The following ARHGAP19 variants were observed in gnomAD, a reference collection of about 807,000 sequenced individuals.
The protein encoded by ARHGAP19 is rho GTPase-activating protein 19.
ARHGAP19 carries 48 observed loss-of-function variants against 60.9 expected under a neutral mutation model. The ratio of observed to expected loss-of-function variants is 0.79; its 90% CI spans 0.62 to 1.00. The LOEUF (loss-of-function observed/expected upper bound fraction) is 1.00, where lower values mean the gene tolerates loss of function less well. Among genes scored for constraint, ARHGAP19 ranks in the 50% least tolerant of loss-of-function variants. ARHGAP19 has a pLI of 0.00. For synonymous variants in ARHGAP19, 209 were observed against 215.5 expected, an observed-to-expected ratio of 0.97 and a Z score of 0.27; for missense variants, 562 against 597.2, an observed-to-expected ratio of 0.94 and a Z score of 0.61.
At chr10:97,257,432 C>T (rs1842770820) in intron 5 of ARHGAP19, among the ~76,000 whole-genome samples, 1 of 151,926 alleles carries the variant, frequency 6.6e-6, no homozygotes, top group Non-Finnish European at 1.5e-5. Flanking sequence ...GGAGTATAGG[C>T]ATGTGCCACC....
chr10:97,283,728 C>T (rs2134923819), intron 1 of ARHGAP19, among the ~76,000 whole-genome samples: 1 of 151,304 alleles, frequency 6.6e-6, no homozygotes, highest in Non-Finnish European at 1.5e-5. Flanking sequence ...GACATGGTGG[C>T]TCACACCTGT....
At chr10:97,256,254 T>C in intron 6 of ARHGAP19, 64 bp downstream of exon 6, 1 of 1,296,444 alleles carries the variant, frequency 7.7e-7, no homozygotes, top group Non-Finnish European at 1.1e-6. Context: ...ATAGCCCCAC[T>C]TAGGATCCCA....
chr10:97,272,740 T>G (rs1174476406), intron 1 of ARHGAP19, among the ~76,000 whole-genome samples: 1 of 152,208 alleles, frequency 6.6e-6, no homozygotes, highest in Non-Finnish European at 1.5e-5. Context: ...AGTAATGTCC[T>G]CCTCTTTGTT....
At chr10:97,239,548 GAGGGTGTGT>G (rs1842439018) in intron 8 of ARHGAP19, among the ~76,000 whole-genome samples, 2 of 110,202 alleles carry the variant, frequency 1.8e-5, no homozygotes, top group African/African-American at 7.4e-5. Flanking sequence ...GAGAGAGAGA[GAGGGTGTGT>G]GTGTGTGTGT....
chr10:97,271,372 A>G (rs1589376280), intron 1 of ARHGAP19, among the ~76,000 whole-genome samples: 1 of 152,212 alleles, frequency 6.6e-6, no homozygotes, highest in East Asian at 1.9e-4. Context: ...TTTAAAAGTA[A>G]TAATAAAATA....
chr10:97,289,724 C>T (rs955345497), intron 1 of ARHGAP19, among the ~76,000 whole-genome samples: 7 of 151,682 alleles, frequency 4.6e-5, no homozygotes, highest in African/African-American at 1.5e-4. Context: ...CATAGTGGCA[C>T]GTGCCTGTAG....
chr10:97,286,960 G>C (rs1032206045), intron 1 of ARHGAP19, among the ~76,000 whole-genome samples: 2 of 151,768 alleles, frequency 1.3e-5, no homozygotes, highest in African/African-American at 4.8e-5. Flanking sequence ...TGTTGTTGTT[G>C]TTGTTTGTAC....
At chr10:97,261,085 G>C (rs946547162) in intron 4 of ARHGAP19, among the ~76,000 whole-genome samples, 2 of 152,048 alleles carry the variant, frequency 1.3e-5, no homozygotes, top group African/African-American at 4.8e-5. Flanking sequence ...CCTTATAACA[G>C]GCAGCTCCCA....
chr10:97,278,193 G>A lies in ARHGAP19; in HGVS notation c.57-12068C>T, dbSNP rs368995034. ...TTTCAAGATGTCCCACATGGAAGACGCTATTCCAGGATCTTTCGATTTCCA... is the reference window on the plus strand; with the variant it reads ...TTTCAAGATGTCCCACATGGAAGACACTATTCCAGGATCTTTCGATTTCCA... On this transcript the variant is annotated intron_variant, in intron 1 of 11. Coordinates refer to ENST00000358531, the MANE Select transcript of ARHGAP19 (RefSeq NM_032900.6). 4 of 153,426 alleles carry A rather than the reference G, an allele frequency of 2.6e-5. No individual in the cohort carries two copies. The East Asian group carries it at 5.8e-4, about 22-fold the overall frequency. The allele number at this position is 153,426 out of a possible 1,614,324, so 9.5% of individuals were successfully genotyped here. A position where few individuals can be genotyped will look rare whatever the true frequency, so the allele number is the denominator to read the frequency against.
chr10:97,269,794 G>A (rs1842939870), intron 1 of ARHGAP19, among the ~76,000 whole-genome samples: 1 of 152,118 alleles, frequency 6.6e-6, no homozygotes, highest in African/African-American at 2.4e-5. Context: ...ACATAAAAAT[G>A]TGTATTAATA....
chr10:97,238,697 T>C (rs1479637272), intron 8 of ARHGAP19, among the ~76,000 whole-genome samples: 1 of 152,206 alleles, frequency 6.6e-6, no homozygotes, highest in Non-Finnish European at 1.5e-5. Context: ...GTTTTAAGTC[T>C]GTAAAGTAAA....
intron 4 of ARHGAP19, among the ~76,000 whole-genome samples, chr10:97,261,144 A>C (rs74914982): frequency 0.021 from 3,142 of 152,260 alleles, 124 homozygotes; most frequent in African/African-American, 0.073. Flanking sequence ...AAAGGTTATC[A>C]ATGAAAACAG....
At chr10:97,267,337 GT>G (rs1842910908) in intron 1 of ARHGAP19, among the ~76,000 whole-genome samples, 1 of 152,186 alleles carries the variant, frequency 6.6e-6, no homozygotes, top group Non-Finnish European at 1.5e-5. Flanking sequence ...GGGCAGCTCT[GT>G]CCCTGTGGCT....
intron 2 of ARHGAP19, 141 bp from the exon 3 acceptor site, chr10:97,265,047 A>G: frequency 1.6e-6 from 1 of 638,730 alleles, no homozygotes; most frequent in South Asian, 2.0e-5. Flanking sequence ...TAGAACTGGA[A>G]GTGCACCAGA....
At chr10:97,287,161 T>C (rs1163276783) in intron 1 of ARHGAP19, among the ~76,000 whole-genome samples, 1 of 152,036 alleles carries the variant, frequency 6.6e-6, no homozygotes, top group Non-Finnish European at 1.5e-5. Context: ...CCCAGGCTAG[T>C]CTCAAACTCC....
chr10:97,246,235 C>G (rs1418477884), intron 7 of ARHGAP19, 37 bp downstream of exon 7: 1 of 1,551,082 alleles, frequency 6.4e-7, no homozygotes, highest in Non-Finnish European at 8.9e-7. Context: ...TCTTAATGCT[C>G]TCCTTGTTTG....
chr10:97,251,351 A>C (rs1433573671), intron 6 of ARHGAP19, among the ~76,000 whole-genome samples: 1 of 27,094 alleles, frequency 3.7e-5, no homozygotes, highest in African/African-American at 1.7e-4. Flanking sequence ...AGGGGGAGGG[A>C]AAGGAAAGGG....
At chr10:97,282,823 A>ACTTTAAC (rs1205245254) in intron 1 of ARHGAP19, among the ~76,000 whole-genome samples, 4,003 of 145,510 alleles carry the variant, frequency 0.028, 170 homozygotes, top group African/African-American at 0.091. Context: ...TTAAAGTACT[A>ACTTTAAC]TGTAGTTTCT....
chr10:97,288,236 C>T (rs1249597676), intron 1 of ARHGAP19, among the ~76,000 whole-genome samples: 1 of 152,068 alleles, frequency 6.6e-6, no homozygotes, highest in African/African-American at 2.4e-5. Flanking sequence ...GACCATTTTT[C>T]CTCTTCTTTA....
Sources: gnomAD v4.1 joint callset for allele counts (sites outside exome capture counted in the v4.1 genomes callset) on GRCh38, gnomAD v4.1.1 for gene constraint, MANE v1.5 for transcripts, NCBI Gene and HGNC (gene_info 2026-07-23, HGNC 2026-07-21) for gene names.